The following SASH1 variants were observed in gnomAD, a reference collection of about 807,000 sequenced individuals.
SASH1 encodes SAM and SH3 domain containing 1.
A neutral mutation model predicts 125.2 loss-of-function variants in SASH1; 44 were observed. The ratio of observed to expected loss-of-function variants is 0.35; its 90% confidence interval spans 0.28 to 0.45. SASH1 has a LOEUF of 0.45. Among genes scored for constraint, SASH1 ranks in the 20% least tolerant of loss-of-function variants. The probability of loss-of-function intolerance (pLI) is 1.00; values close to 1 mark genes in which losing one functional copy is unlikely to be tolerated. For synonymous variants in SASH1, 639 were observed against 649.1 expected (o/e 0.98, Z 0.24); for missense variants, 1,426 against 1,614.5 (o/e 0.88, Z 2.00).
chr6:148,288,314 T>C (rs1779540247), intron 1 of SASH1, among the ~76,000 whole-genome samples: 1 of 152,084 alleles, frequency 6.6e-6, no homozygotes, highest in South Asian at 2.1e-4. Context: ...TCTCCTACAG[T>C]AGAGGCATCA....
the SASH1 span, among the ~76,000 whole-genome samples, chr6:148,218,218 A>C: frequency 6.6e-6 from 1 of 152,106 alleles, no homozygotes; most frequent in Middle Eastern, 3.4e-3. Context: ...CCACTGATTG[A>C]AATGAAATGA....
chr6:148,247,274 G>A, the SASH1 span, among the ~76,000 whole-genome samples: 3 of 152,168 alleles, frequency 2.0e-5, no homozygotes, highest in African/African-American at 7.2e-5. Context: ...TCAAGGTTCA[G>A]CACACCATAG....
chr6:148,545,552 C>G (rs1392403311), intron 18 of SASH1, among the ~76,000 whole-genome samples: 1 of 152,234 alleles, frequency 6.6e-6, no homozygotes, highest in Non-Finnish European at 1.5e-5. Context: ...TAGCCCTTCT[C>G]TCCTGCAGTT....
chr6:148,487,568 G>A, intron 7 of SASH1, 46 bp from the exon 8 acceptor site: 1 of 1,383,274 alleles, frequency 7.2e-7, no homozygotes, highest in Non-Finnish European at 1.0e-6. Context: ...TCTGGCCAGT[G>A]TCTGGCCATT....
At chr6:148,292,836 A>T (rs1200770292) in intron 1 of SASH1, among the ~76,000 whole-genome samples, 1 of 152,138 alleles carries the variant, frequency 6.6e-6, no homozygotes, top group Non-Finnish European at 1.5e-5. Flanking sequence ...AGATCACCTG[A>T]GGTCAGGAGT....
intron 1 of SASH1, among the ~76,000 whole-genome samples, chr6:148,311,095 T>G (rs889050006): frequency 7.0e-6 from 1 of 141,942 alleles, no homozygotes; most frequent in Non-Finnish European, 1.5e-5. Context: ...TTTTCTTTTC[T>G]TTTTTTTTTT....
intron 1 of SASH1, among the ~76,000 whole-genome samples, chr6:148,348,372 A>G (rs1353564085): frequency 6.6e-6 from 1 of 152,170 alleles, no homozygotes; most frequent in Admixed American, 6.5e-5. Flanking sequence ...ACCTTCTTCC[A>G]TGATTCCCTT....
At chr6:148,263,537 G>A in the SASH1 span, among the ~76,000 whole-genome samples, 1 of 152,194 alleles carries the variant, frequency 6.6e-6, no homozygotes, top group African/African-American at 2.4e-5. Context: ...GTCAGCCCAG[G>A]GCAACCATTC....
chr6:148,466,189 A>G (rs1045921951), intron 4 of SASH1, among the ~76,000 whole-genome samples: 5 of 152,356 alleles, frequency 3.3e-5, no homozygotes, highest in East Asian at 1.9e-4. Flanking sequence ...TTCACAGCAC[A>G]GGAATAAGGG....
chr6:148,253,092 G>A, the SASH1 span, among the ~76,000 whole-genome samples: 1 of 152,180 alleles, frequency 6.6e-6, no homozygotes, highest in Non-Finnish European at 1.5e-5. Flanking sequence ...TCCTTCAAAA[G>A]CCTTGCAAGC....
At chr6:148,365,340 C>T (rs1583029093) in intron 1 of SASH1, among the ~76,000 whole-genome samples, 1 of 151,806 alleles carries the variant, frequency 6.6e-6, no homozygotes, top group South Asian at 2.1e-4. Flanking sequence ...TTGTATCAGT[C>T]ATTTGACATT....
At chr6:148,359,620 TCA>T (rs1782109785) in intron 1 of SASH1, among the ~76,000 whole-genome samples, 1 of 152,162 alleles carries the variant, frequency 6.6e-6, no homozygotes, top group Non-Finnish European at 1.5e-5. Context: ...TAAAGCAGTA[TCA>T]GAGTTTAAGA....
chr6:148,344,405 A>C (rs150177007), intron 1 of SASH1, among the ~76,000 whole-genome samples: 1 of 152,164 alleles, frequency 6.6e-6, no homozygotes, highest in Non-Finnish European at 1.5e-5. Context: ...GTTTCCTGCA[A>C]AGTCTCCTGT....
chr6:148,540,406 T>A (rs778895477), intron 16 of SASH1, 37 bp from the exon 17 acceptor site: 7 of 1,537,892 alleles, frequency 4.6e-6, no homozygotes, highest in Non-Finnish European at 6.3e-6. Context: ...TGCTTTTCAC[T>A]CACCTTGTTG....
At chr6:148,457,373 C>T (rs1330010757) in intron 4 of SASH1, among the ~76,000 whole-genome samples, 6 of 152,042 alleles carry the variant, frequency 3.9e-5, no homozygotes, top group Admixed American at 2.6e-4. Context: ...ATACTGTGAT[C>T]AGTAAGACTA....
intron 7 of SASH1, 97 bp downstream of exon 7, chr6:148,474,319 C>T: frequency 3.0e-6 from 2 of 662,962 alleles, no homozygotes; most frequent in Non-Finnish European, 2.7e-6. Flanking sequence ...ATCAGGTACC[C>T]ATGTTGTCAG....
upstream of SASH1, among the ~76,000 whole-genome samples, chr6:148,267,365 T>TTGTGTGTGTGTGTGTGTGTGTGTGTGTG (rs200228547): frequency 1.7e-3 from 218 of 130,042 alleles, 2 homozygotes; most frequent in South Asian, 2.6e-3. Flanking sequence ...CAGTACTACT[T>TTGTGTGTGTGTGTGTGTGTGTGTGTGTG]TGTGTGTGTG....
In SASH1 at chr6:148,446,830, A is replaced by T. The variant is rs1170217694; in HGVS notation, c.386+6423A>T. ...AAATGCAAAACTAAAGGACAGAGGT[A>T]AGTTGCCCAGGGCCACACACTTACT... On this transcript the variant is annotated intron_variant, in intron 4 of 19. Transcript: ENST00000367467. 3.9e-5 allele frequency among the ~76,000 whole-genome samples: 6 copies of T among 152,250 alleles called. No homozygotes were observed. The East Asian group carries it at 1.2e-3, about 29-fold the overall frequency.
At chr6:148,300,094 A>G (rs1779898571) in intron 1 of SASH1, among the ~76,000 whole-genome samples, 1 of 152,210 alleles carries the variant, frequency 6.6e-6, no homozygotes, top group Admixed American at 6.5e-5. Context: ...TGACTACATT[A>G]CCATAACATG....
Sources: allele counts gnomAD v4.1 joint callset (sites outside exome capture counted in the v4.1 genomes callset), GRCh38; gene constraint gnomAD v4.1.1; transcripts MANE v1.5; gene names NCBI Gene and HGNC (gene_info 2026-07-23, HGNC 2026-07-21).